Variants in PCDHGA7 observed in about 807,000 individuals in gnomAD.
PCDHGA7 encodes protocadherin gamma subfamily A, 7.
PCDHGA7 carries 44 observed loss-of-function variants against 58.3 expected under a neutral mutation model. That is an observed-to-expected ratio of 0.75 (90% CI 0.59 to 0.97). The LOEUF (loss-of-function observed/expected upper bound fraction) is 0.97, where lower values mean the gene tolerates loss of function less well. PCDHGA7 is among the 50% of genes least tolerant of loss of function. The probability of loss-of-function intolerance (pLI) is 0.00; values close to 1 mark genes in which losing one functional copy is unlikely to be tolerated. For synonymous variants in PCDHGA7, 516 were observed against 504.2 expected, an observed-to-expected ratio of 1.02 and a Z score of -0.31; for missense variants, 1,266 against 1,188.7, an observed-to-expected ratio of 1.06 and a Z score of -0.96.
At chr5:141,468,560 T>G (rs571224791) in intron 1 of PCDHGA7, 1 of 152,004 alleles carries the variant, frequency 6.6e-6, no homozygotes, top group Non-Finnish European at 1.5e-5. Flanking sequence ...ATTTGTGATA[T>G]AGTAAACAAT....
Position 141,383,817 on chromosome 5 carries a change from A to T in PCDHGA7, c.918A>T (p.Gly306=). ...CAGGAGAAATATCAACTTTAGAAGG[A>T]TTAGATTATGAAGAAACTGCCTTCT... ...SLTGEISTLE[G]LDYEETAFYE... Residue 306 remains glycine (G), a synonymous_variant, in exon 1 of 4, where the codon GGA becomes GGT. Coordinates refer to ENST00000518325, the MANE Select transcript of PCDHGA7 (RefSeq NM_018920.4). 6.2e-7 allele frequency: 1 copy of T among 1,613,926 alleles called. No individual in the cohort carries two copies. Among genetic ancestry groups the T allele is most frequent in the Non-Finnish European group, 8.5e-7 (1 of 1,179,846 alleles).
intron 1 of PCDHGA7, chr5:141,421,708 C>T (rs2096594348): frequency 1.9e-6 from 3 of 1,613,780 alleles, no homozygotes; most frequent in South Asian, 2.2e-5. Flanking sequence ...TGCTAGGGAT[C>T]CAGATGTGGG....
intron 1 of PCDHGA7, chr5:141,389,877 A>T: frequency 6.2e-7 from 1 of 1,614,088 alleles, no homozygotes; most frequent in South Asian, 1.1e-5. Context: ...CTTCGCCGAC[A>T]GCTTGCAGGA....
chr5:141,426,173 G>A (rs2096919271), intron 1 of PCDHGA7: 1 of 155,348 alleles, frequency 6.4e-6, no homozygotes, highest in African/African-American at 2.4e-5. Flanking sequence ...TACGGATTGG[G>A]GTGCCCTCAA....
chr5:141,395,546 G>GTT (rs2093266838), intron 1 of PCDHGA7: 4 of 32,300 alleles, frequency 1.2e-4, no homozygotes, highest in African/African-American at 9.9e-4. Context: ...TATTGTTTGT[G>GTT]TGTGTGTGTG....
intron 1 of PCDHGA7, among the ~76,000 whole-genome samples, chr5:141,453,225 C>T (rs2098758997): frequency 6.6e-6 from 1 of 152,044 alleles, no homozygotes; most frequent in African/African-American, 2.4e-5. Context: ...GCGATCCTCC[C>T]ACCTCAGCCT....
intron 1 of PCDHGA7, chr5:141,416,827 T>A (rs981344540): frequency 1.2e-4 from 18 of 152,268 alleles, no homozygotes; most frequent in African/African-American, 3.9e-4. Context: ...CCGAAGTTTC[T>A]CAAGACCCTT....
chr5:141,420,769 C>T (rs2096524721), intron 1 of PCDHGA7, among the ~76,000 whole-genome samples: 1 of 152,212 alleles, frequency 6.6e-6, no homozygotes, highest in Admixed American at 6.5e-5. Flanking sequence ...AAGTTTTCAG[C>T]TCCAGTAATA....
Position 141,491,547 on chromosome 5 carries a change from G to A in PCDHGA7, c.2425-3260G>A. On this transcript the variant is annotated intron_variant, in intron 1 of 3. Transcript: ENST00000518325. This position sits in a 1 kb window ranked among gnomAD's most constrained non-coding sequence, Gnocchi z 6.9. ...AGGTGACGCTGCGGCCCACAGACTC[G>A]CAGAGCCACTGCTACAGGACGTGCT... is the stretch of plus-strand genomic sequence containing the variant. The A allele has an allele frequency of 4.3e-6, 7 of 1,613,974 alleles. No individual in the cohort carries two copies. The highest frequency in any genetic ancestry group is 5.9e-6 in the Non-Finnish European group (7 of 1,180,022).
intron 1 of PCDHGA7, among the ~76,000 whole-genome samples, chr5:141,452,664 T>C (rs557662640): frequency 6.6e-6 from 1 of 151,058 alleles, no homozygotes; most frequent in South Asian, 2.1e-4. Context: ...TCCACTGCAC[T>C]CCAGCCTAGG....
Position 141,461,919 on chromosome 5 carries a change from G to T in PCDHGA7, c.2425-32888G>T, listed in dbSNP as rs10060711. On this transcript the variant is annotated intron_variant, in intron 1 of 3. Transcript: ENST00000518325. Reference sequence around the variant, plus strand: ...GCTCACTGCAACCTCTGCCTCCTGGGTTCCAGCAATTCTCCTGCCTCAACC... The same window carrying T: ...GCTCACTGCAACCTCTGCCTCCTGGTTTCCAGCAATTCTCCTGCCTCAACC... 5.4e-3 allele frequency among the ~76,000 whole-genome samples: 815 copies of T among 152,214 alleles called. 11 individuals are homozygous for T. Among genetic ancestry groups the T allele is most frequent in the African/African-American group, 0.019 (780 of 41,542 alleles).
Position 141,429,390 on chromosome 5 carries a change from A to ATTTT in PCDHGA7, c.2424+44067_2424+44068insTTTT, listed in dbSNP as rs1561841316. ...TGGAGAAAATGTGTTTTTTTTTTAA[A>ATTTT]AAAAATTGAGATTAAGGTCTCATTA... On this transcript the variant is annotated intron_variant, in intron 1 of 3. Coordinates refer to ENST00000518325, the MANE Select transcript of PCDHGA7 (RefSeq NM_018920.4). 1.2e-4 allele frequency among the ~76,000 whole-genome samples: 18 copies of ATTTT among 150,328 alleles called. No homozygotes were observed. In the East Asian group the frequency reaches 1.9e-3, roughly 16 times the overall value.
chr5:141,499,104 C>A (rs2099789508), intron 2 of PCDHGA7, among the ~76,000 whole-genome samples: 1 of 152,120 alleles, frequency 6.6e-6, no homozygotes, highest in African/African-American at 2.4e-5. Flanking sequence ...CTTCTCCTCC[C>A]CACCACTATC....
At chr5:141,414,677 AG>A in intron 1 of PCDHGA7, 1 of 1,613,794 alleles carries the variant, frequency 6.2e-7, no homozygotes, top group Non-Finnish European at 8.5e-7. Context: ...GACACCATCC[AG>A]GGGGTACCTC....
chr5:141,464,184 G>T (rs1348739162), intron 1 of PCDHGA7, among the ~76,000 whole-genome samples: 1 of 150,316 alleles, frequency 6.7e-6, no homozygotes, highest in Non-Finnish European at 1.5e-5. Flanking sequence ...AGAATTGCTT[G>T]ATTTCAGGAG....
intron 1 of PCDHGA7, among the ~76,000 whole-genome samples, chr5:141,460,889 G>A (rs901987902): frequency 3.3e-5 from 5 of 150,280 alleles, no homozygotes; most frequent in East Asian, 3.9e-4. Flanking sequence ...ATGCCTTTTC[G>A]TGGCTGAGTA....
At chr5:141,459,427 G>A (rs1489214494) in intron 1 of PCDHGA7, among the ~76,000 whole-genome samples, 2 of 152,228 alleles carry the variant, frequency 1.3e-5, no homozygotes, top group Non-Finnish European at 2.9e-5. Flanking sequence ...ATATCACAAT[G>A]TGTTCATTCA....
At chr5:141,475,832 T>G in intron 1 of PCDHGA7, 1 of 410,610 alleles carries the variant, frequency 2.4e-6, no homozygotes, top group Non-Finnish European at 4.4e-6. Flanking sequence ...CTAGCGCGTG[T>G]CCTGCTCAGA....
chr5:141,454,546 A>G (rs1342532359), intron 1 of PCDHGA7, among the ~76,000 whole-genome samples: 1 of 152,098 alleles, frequency 6.6e-6, no homozygotes, highest in African/African-American at 2.4e-5. Flanking sequence ...AGCTGAGATT[A>G]CAGGCATGTG....
Sources: allele counts gnomAD v4.1 joint callset (sites outside exome capture counted in the v4.1 genomes callset), GRCh38; gene constraint gnomAD v4.1.1; non-coding constraint Gnocchi (gnomAD v3.1); transcripts MANE v1.5; gene names NCBI Gene and HGNC (gene_info 2026-07-23, HGNC 2026-07-21).